The following MATCAP1 variants were observed in gnomAD, a reference collection of about 807,000 sequenced individuals.
The protein encoded by MATCAP1 is microtubule-associated tyrosine carboxypeptidase 1.
chr16:67,183,527 A>C, the MATCAP1 span: 1 of 151,626 alleles, frequency 6.6e-6, no homozygotes, highest in Non-Finnish European at 1.5e-5. Context: ...GGTCTGATTC[A>C]CCCCCGTGTA....
At chr16:67,178,420 G>C in the MATCAP1 span, 2 of 1,539,958 alleles carry the variant, frequency 1.3e-6, no homozygotes, top group Admixed American at 3.9e-5. Context: ...CGTGGGGTTC[G>C]CCGGCCGCAG....
chr16:67,175,978 G>A, the MATCAP1 span: 6 of 152,570 alleles, frequency 3.9e-5, no homozygotes, highest in African/African-American at 9.7e-5. Context: ...GCAAAGACAG[G>A]AACAGCAGAG....
the MATCAP1 span, chr16:67,177,042 C>T: frequency 7.2e-7 from 1 of 1,388,340 alleles, no homozygotes. Context: ...TGGTCCCAGC[C>T]CACTGCTTAC....
At chr16:67,180,300 C>A in the MATCAP1 span, 1 of 1,612,300 alleles carries the variant, frequency 6.2e-7, no homozygotes, top group Non-Finnish European at 8.5e-7. Flanking sequence ...GTTCCGTCCC[C>A]GTCCAGGTGG....
At chr16:67,177,617 A>G in the MATCAP1 span, among the ~76,000 whole-genome samples, 1 of 152,150 alleles carries the variant, frequency 6.6e-6, no homozygotes, top group Non-Finnish European at 1.5e-5. Context: ...TTCTGAAGCA[A>G]ATATCAGAGT....
chr16:67,176,890 C>T, the MATCAP1 span: 9 of 1,610,152 alleles, frequency 5.6e-6, no homozygotes, highest in East Asian at 2.2e-5. The surrounding 1 kb of genome is among the most constrained non-coding windows in gnomAD (Gnocchi z 4.3). Context: ...CTGCCGGTAG[C>T]GTGCCAAGTC....
chr16:67,178,966 G>A, the MATCAP1 span: 1 of 419,614 alleles, frequency 2.4e-6, no homozygotes, highest in Non-Finnish European at 4.3e-6. Flanking sequence ...TAGGAATAGT[G>A]GTTAGTGCCC....
the MATCAP1 span, chr16:67,180,767 G>A: frequency 2.2e-6 from 1 of 449,954 alleles, no homozygotes; most frequent in South Asian, 8.0e-5. Context: ...CCCTTGGTGG[G>A]CCCAGGCTCT....
chr16:67,183,539 C>T, the MATCAP1 span: 1 of 152,312 alleles, frequency 6.6e-6, no homozygotes, highest in Non-Finnish European at 1.5e-5. Context: ...CCCCGTGTAC[C>T]AAGCACCCAG....
At chr16:67,176,620 C>T in the MATCAP1 span, 6 of 483,842 alleles carry the variant, frequency 1.2e-5, no homozygotes, top group South Asian at 1.5e-4. The surrounding 1 kb of genome is among the most constrained non-coding windows in gnomAD (Gnocchi z 4.3). Context: ...CTGCAGGTCC[C>T]CAGACCCCAG....
At chr16:67,178,704 G>C in the MATCAP1 span, 1 of 704,904 alleles carries the variant, frequency 1.4e-6, no homozygotes, top group South Asian at 1.5e-5. Flanking sequence ...CGCACCCAAG[G>C]ATCCACAGAG....
At chr16:67,183,953 C>T in the MATCAP1 span, 4 of 194,034 alleles carry the variant, frequency 2.1e-5, no homozygotes, top group Non-Finnish European at 4.2e-5. Context: ...GAGCCGTCGC[C>T]GATGACGTAC....
At chr16:67,178,126 G>A in the MATCAP1 span, 3 of 1,602,946 alleles carry the variant, frequency 1.9e-6, no homozygotes, top group African/African-American at 1.3e-5. Context: ...GCAGGAGGGC[G>A]GTGAGCCCCG....
chr16:67,179,351 G>T, the MATCAP1 span: 1 of 1,523,260 alleles, frequency 6.6e-7, no homozygotes. The surrounding 1 kb of genome is among the most constrained non-coding windows in gnomAD (Gnocchi z 5.2). Context: ...GGGAGTTATT[G>T]GGGCCCCTCC....
At chr16:67,179,226 G>A in the MATCAP1 span, 28 of 1,406,224 alleles carry the variant, frequency 2.0e-5, no homozygotes, top group African/African-American at 3.2e-4. This position sits in a 1 kb window ranked among gnomAD's most constrained non-coding sequence, Gnocchi z 5.2. Context: ...AGATGAGAGC[G>A]AGCCCAGAGC....
At chr16:67,180,436 G>A in the MATCAP1 span, 1 of 1,611,400 alleles carries the variant, frequency 6.2e-7, no homozygotes, top group Non-Finnish European at 8.5e-7. Context: ...TCAGGCTGGG[G>A]CTGCAGCGCT....
At chr16:67,181,207 C>T in the MATCAP1 span, among the ~76,000 whole-genome samples, 2 of 152,196 alleles carry the variant, frequency 1.3e-5, no homozygotes, top group African/African-American at 4.8e-5. Context: ...GGTGAGAAGA[C>T]CTCAGGGACT....
the MATCAP1 span, chr16:67,178,440 C>T: frequency 6.5e-7 from 1 of 1,537,512 alleles, no homozygotes. Flanking sequence ...GCCCGTACCG[C>T]AGCCGGCCCT....
the MATCAP1 span, chr16:67,178,015 CCAGTGAGGT>C: frequency 6.2e-7 from 1 of 1,613,550 alleles, no homozygotes; most frequent in Admixed American, 1.7e-5. Flanking sequence ...CTCACCTTGC[CCAGTGAGGT>C]CAGCAACGGG....
Sources: allele counts gnomAD v4.1 joint callset (sites outside exome capture counted in the v4.1 genomes callset), GRCh38; gene constraint gnomAD v4.1.1; non-coding constraint Gnocchi (gnomAD v3.1); transcripts MANE v1.5; gene names NCBI Gene and HGNC (gene_info 2026-07-23, HGNC 2026-07-21).